The following TPO variants were observed in gnomAD, a reference collection of about 807,000 sequenced individuals.
TPO encodes thyroid microsomal antigen.
Under a neutral mutation model 96.9 loss-of-function variants are expected in TPO, and 78 were observed. The ratio of observed to expected loss-of-function variants is 0.81; its 90% CI spans 0.67 to 0.97. TPO has a LOEUF of 0.97. TPO is among the 50% of genes least tolerant of loss of function. The pLI is 0.00. For missense variants in TPO, 1,252 were observed against 1,274.8 expected, an observed-to-expected ratio of 0.98 and a Z score of 0.27; for synonymous variants, 547 against 538.0, an observed-to-expected ratio of 1.02 and a Z score of -0.23.
intron 16 of TPO, chr2:1,541,411 G>A (rs2125358281): frequency 5.9e-6 from 1 of 169,932 alleles, no homozygotes; most frequent in African/African-American, 2.4e-5. Flanking sequence ...AGACTGGAGT[G>A]CAGTGGCACA....
At chr2:1,446,088 G>A (rs1253767058) in intron 5 of TPO, among the ~76,000 whole-genome samples, 1 of 152,136 alleles carries the variant, frequency 6.6e-6, no homozygotes, top group Non-Finnish European at 1.5e-5. Context: ...ACAGGTGGCC[G>A]AGTCTTCCAT....
At position 1,477,180 on chromosome 2, in the gene TPO, T is replaced by A. The variant is rs763043967; in HGVS notation, c.914T>A (p.Phe305Tyr). Residue 305 changes from phenylalanine to tyrosine, a missense_variant, in exon 8 of 17, where the codon TTT becomes TAT. Coordinates refer to ENST00000329066, the MANE Select transcript of TPO (RefSeq NM_001206744.2). ...GGCACCGGGGACCAAGGCGCGCTCT[T>A]TGGGAACCTGTCCACGGCCAACCCG... Reference protein sequence around the residue: ...ACGTGDQGALFGNLSTANPRQ... With the variant: ...ACGTGDQGALYGNLSTANPRQ... The A allele has an allele frequency of 1.2e-6, 2 of 1,609,980 alleles. No individual in the cohort carries two copies. The highest frequency in any genetic ancestry group is 1.7e-6 in the Non-Finnish European group (2 of 1,179,010).
intron 5 of TPO, 38 bp downstream of exon 5, chr2:1,436,422 T>C (rs1474453836): frequency 3.1e-6 from 5 of 1,613,752 alleles, no homozygotes; most frequent in Non-Finnish European, 4.2e-6. Flanking sequence ...CTCGTGAAAG[T>C]TGGATCTGAA....
chr2:1,513,711 A>C (rs1336385871), intron 14 of TPO: 3 of 152,268 alleles, frequency 2.0e-5, no homozygotes, highest in Non-Finnish European at 4.4e-5. Flanking sequence ...GGATATATGT[A>C]GATATACTAT....
chr2:1,516,741 T>A, intron 14 of TPO, 142 bp from the exon 15 acceptor site: 1 of 756,296 alleles, frequency 1.3e-6, no homozygotes, highest in Non-Finnish European at 2.3e-6. Flanking sequence ...TCTGGGCAGA[T>A]AAATGTCCCT....
At chr2:1,422,419 G>A (rs1663849922) in intron 2 of TPO, among the ~76,000 whole-genome samples, 1 of 64,962 alleles carries the variant, frequency 1.5e-5, no homozygotes, top group Non-Finnish European at 3.0e-5. Context: ...CGAGAGCCTG[G>A]TGTGCCCCTC....
chr2:1,505,217 C>A (rs1022601909), intron 14 of TPO, among the ~76,000 whole-genome samples: 2 of 152,080 alleles, frequency 1.3e-5, no homozygotes, highest in African/African-American at 4.8e-5. Context: ...CTGGCACGTC[C>A]CCCACTCCTG....
At chr2:1,479,285 C>G (rs1464567924) in intron 8 of TPO, among the ~76,000 whole-genome samples, 2 of 152,214 alleles carry the variant, frequency 1.3e-5, no homozygotes, top group South Asian at 2.1e-4. Context: ...CTTCTGTGCC[C>G]CTTCCCTGAC....
chr2:1,430,943 C>T (rs1664916244), intron 3 of TPO, among the ~76,000 whole-genome samples: 2 of 152,156 alleles, frequency 1.3e-5, no homozygotes, highest in South Asian at 4.1e-4. Context: ...CCAGATGAGA[C>T]TTTGGACTTG....
rs1671322767 is a variant in TPO, at chr2:1,487,857, G to A, written c.1634G>A (p.Arg545Lys). ...CCACTAATACGAGGCCTTCTTGCAA[G>A]ACCAGCCAAACTGCAGGTGCAGGAT... Reference protein sequence around the residue: ...LDPLIRGLLARPAKLQVQDQL... With the variant: ...LDPLIRGLLAKPAKLQVQDQL... The change falls in exon 10 of 17, where the codon AGA (arginine) becomes AAA (lysine). Residue 545 changes from arginine (R) to lysine (K), a missense_variant. Physicochemically the swap from Arg to Lys is conservative, Grantham distance 26. Coordinates refer to ENST00000329066, the MANE Select transcript of TPO (RefSeq NM_001206744.2). 6.2e-6 allele frequency: 10 copies of A among 1,614,250 alleles called. No homozygotes were observed. Among genetic ancestry groups the A allele is most frequent in the Non-Finnish European group, 8.5e-6 (10 of 1,180,044 alleles).
intron 15 of TPO, among the ~76,000 whole-genome samples, chr2:1,527,471 C>T (rs1676861833): frequency 6.8e-6 from 1 of 148,146 alleles, no homozygotes; most frequent in Admixed American, 6.7e-5. Context: ...TGTGCAACCT[C>T]CTCAAATCCC....
At chr2:1,479,684 C>T (rs2148682864) in intron 8 of TPO, among the ~76,000 whole-genome samples, 1 of 152,284 alleles carries the variant, frequency 6.6e-6, no homozygotes, top group Middle Eastern at 3.4e-3. Context: ...ACTGAGAATC[C>T]TACTGACCTA....
intron 8 of TPO, among the ~76,000 whole-genome samples, chr2:1,483,510 G>A (rs935801709): frequency 4.6e-5 from 7 of 152,338 alleles, no homozygotes; most frequent in East Asian, 3.9e-4. Flanking sequence ...ACCTTCTCAC[G>A]CGGTTAGGAG....
chr2:1,406,048 T>C (rs1258778970), intron 1 of TPO, among the ~76,000 whole-genome samples: 7 of 152,338 alleles, frequency 4.6e-5, no homozygotes, highest in Admixed American at 4.6e-4. Context: ...TTCCCTAAAT[T>C]GATTGACTTG....
intron 15 of TPO, among the ~76,000 whole-genome samples, chr2:1,538,690 G>A (rs934353366): frequency 6.6e-6 from 1 of 152,188 alleles, no homozygotes; most frequent in Non-Finnish European, 1.5e-5. Context: ...GATATTGAGA[G>A]GTAAGGCAGA....
intron 1 of TPO, among the ~76,000 whole-genome samples, chr2:1,374,559 T>C (rs1292950942): frequency 6.6e-6 from 1 of 152,190 alleles, no homozygotes; most frequent in Non-Finnish European, 1.5e-5. Context: ...TTTAATTTCT[T>C]CTTTCCAGGA....
Position 1,380,402 on chromosome 2 carries a change from A to C in TPO, n.180+6000A>C, listed in dbSNP as rs2090151. Reference sequence around the variant, plus strand: ...GAGCGAGACTCTGTCTCAAAAAAAAAAAAAAAAAAAGTCTATTTTATAATT... The same window carrying C: ...GAGCGAGACTCTGTCTCAAAAAAAACAAAAAAAAAAGTCTATTTTATAATT... On this transcript the variant is annotated intron_variant and non_coding_transcript_variant, in intron 1 of 5. Coordinates refer to the TPO transcript ENST00000497517. Among the ~76,000 whole-genome samples the C allele has an allele frequency of 4.9e-3, 745 of 152,042 alleles. 8 individuals carry two copies. Among genetic ancestry groups the C allele is most frequent in the African/African-American group, 0.016 (680 of 41,484 alleles).
intron 8 of TPO, chr2:1,478,409 T>C: frequency 1.0e-6 from 1 of 984,220 alleles, no homozygotes; most frequent in Non-Finnish European, 1.2e-6. Context: ...TGCAGGGAGG[T>C]GCGCGTCAGT....
intron 13 of TPO, 28 bp from the exon 14 acceptor site, chr2:1,503,920 C>A (rs760693068): frequency 6.2e-7 from 1 of 1,614,140 alleles, no homozygotes; most frequent in Non-Finnish European, 8.5e-7. Context: ...CGCTTCCTCT[C>A]ACGTGTGTGG....
Sources: gnomAD v4.1 joint callset for allele counts (sites outside exome capture counted in the v4.1 genomes callset) on GRCh38, gnomAD v4.1.1 for gene constraint, MANE v1.5 for transcripts, NCBI Gene and HGNC (gene_info 2026-07-23, HGNC 2026-07-21) for gene names.